The following RBFOX1 variants were observed in gnomAD, a reference collection of about 807,000 sequenced individuals.
The protein encoded by RBFOX1 is RNA binding fox-1 homolog 1.
RBFOX1 carries 8 observed loss-of-function variants against 57.7 expected under a neutral mutation model. That is an observed-to-expected ratio of 0.14 (90% CI 0.08 to 0.25). The LOEUF (loss-of-function observed/expected upper bound fraction) is 0.25, where lower values mean the gene tolerates loss of function less well. Among genes scored for constraint, RBFOX1 ranks in the 10% least tolerant of loss-of-function variants. RBFOX1 has a pLI of 1.00. For synonymous variants in RBFOX1, 326 were observed against 222.4 expected, an observed-to-expected ratio of 1.47 and a Z score of -4.15; for missense variants, 611 against 548.5, an observed-to-expected ratio of 1.11 and a Z score of -1.14.
chr16:6,311,872 C>T (rs1448126089), intron 1 of RBFOX1, among the ~76,000 whole-genome samples: 1 of 152,146 alleles, frequency 6.6e-6, no homozygotes. Flanking sequence ...ACCTCTCTAC[C>T]ACCAGGAATC....
chr16:5,608,363 T>C (rs889741164), intron 3 of RBFOX1, among the ~76,000 whole-genome samples: 6 of 152,074 alleles, frequency 3.9e-5, no homozygotes, highest in African/African-American at 9.7e-5. Context: ...TCTGGGAAGC[T>C]CTGGAGGTGT....
At chr16:6,646,319 G>A (rs1602568637) in intron 2 of RBFOX1, among the ~76,000 whole-genome samples, 1 of 152,046 alleles carries the variant, frequency 6.6e-6, no homozygotes, top group Middle Eastern at 3.2e-3. Context: ...GGCGCCTCCC[G>A]CATAGATCTG....
chr16:6,482,693 G>T (rs2095390736), intron 2 of RBFOX1, among the ~76,000 whole-genome samples: 1 of 152,164 alleles, frequency 6.6e-6, no homozygotes, highest in South Asian at 2.1e-4. Flanking sequence ...TAAATAAAGT[G>T]CAGCTGCTTC....
At chr16:7,485,093 A>C (rs1205323789) in intron 4 of RBFOX1, among the ~76,000 whole-genome samples, 1 of 151,040 alleles carries the variant, frequency 6.6e-6, no homozygotes, top group African/African-American at 2.4e-5. Flanking sequence ...AGAGGACTTG[A>C]CTTAGATAAA....
chr16:5,848,303 C>A (rs1425189872), intron 3 of RBFOX1, among the ~76,000 whole-genome samples: 1 of 152,174 alleles, frequency 6.6e-6, no homozygotes, highest in Non-Finnish European at 1.5e-5. Context: ...ACTCTATCCC[C>A]TATATGGAAA....
At chr16:7,441,920 C>T (rs988335641) in intron 4 of RBFOX1, among the ~76,000 whole-genome samples, 1 of 152,228 alleles carries the variant, frequency 6.6e-6, no homozygotes, top group Non-Finnish European at 1.5e-5. Context: ...CCCAGAGATG[C>T]TGGCAGCCTG....
chr16:6,621,236 C>T (rs1056001031), intron 2 of RBFOX1, among the ~76,000 whole-genome samples: 5 of 152,246 alleles, frequency 3.3e-5, no homozygotes, highest in East Asian at 1.9e-4. Flanking sequence ...CCTAGGCCGG[C>T]GGATCACAAG....
chr16:6,955,689 G>GTATGTATGTATTTATTTATT (rs764676268), intron 3 of RBFOX1, among the ~76,000 whole-genome samples: 1 of 118,614 alleles, frequency 8.4e-6, no homozygotes, highest in African/African-American at 2.8e-5. Context: ...AGGTATGTAT[G>GTATGTATGTATTTATTTATT]TATTTATTTA....
intron 3 of RBFOX1, among the ~76,000 whole-genome samples, chr16:6,667,885 TC>T (rs1251472889): frequency 6.6e-6 from 1 of 151,714 alleles, no homozygotes; most frequent in African/African-American, 2.4e-5. Context: ...CAAGACCCTA[TC>T]TTTAAAAAAC....
chr16:6,003,231 A>G (rs1266845178), intron 4 of RBFOX1, among the ~76,000 whole-genome samples: 1 of 150,136 alleles, frequency 6.7e-6, no homozygotes, highest in Non-Finnish European at 1.5e-5. Flanking sequence ...GTGAGCCGAG[A>G]TCGCGCCACT....
chr16:6,123,265 T>C (rs2096565290), intron 1 of RBFOX1, among the ~76,000 whole-genome samples: 1 of 152,320 alleles, frequency 6.6e-6, no homozygotes, highest in South Asian at 2.1e-4. Context: ...TGTCCATCCA[T>C]GGATGAATGA....
chr16:7,697,502 G>A (rs184739916), intron 14 of RBFOX1, among the ~76,000 whole-genome samples: 240 of 104,060 alleles, frequency 2.3e-3, no homozygotes, highest in African/African-American at 7.2e-3. Flanking sequence ...ATGTGTGCTA[G>A]TATGATATAC....
chr16:5,375,729 T>C (rs1306804046), intron 1 of RBFOX1, among the ~76,000 whole-genome samples: 2 of 152,200 alleles, frequency 1.3e-5, no homozygotes, highest in African/African-American at 2.4e-5. Flanking sequence ...GGAAACATCT[T>C]TGGTGGTGGT....
chr16:6,810,938 G>C (rs756306496), intron 3 of RBFOX1, among the ~76,000 whole-genome samples: 5 of 152,166 alleles, frequency 3.3e-5, no homozygotes, highest in Non-Finnish European at 5.9e-5. Flanking sequence ...AGGTTCGGTT[G>C]CTTCCAACCA....
chr16:7,403,902 ATAT>A (rs1207976389), intron 4 of RBFOX1, among the ~76,000 whole-genome samples: 3 of 149,860 alleles, frequency 2.0e-5, no homozygotes, highest in Non-Finnish European at 3.0e-5. Flanking sequence ...TTTTAATTAA[ATAT>A]TATTCTTTTA....
At chr16:7,517,819 C>T (rs1271756327) in intron 4 of RBFOX1, among the ~76,000 whole-genome samples, 4 of 132,900 alleles carry the variant, frequency 3.0e-5, no homozygotes, top group African/African-American at 1.2e-4. Context: ...TAAAAAGGAT[C>T]TGCCAAAAAA....
intron 3 of RBFOX1, among the ~76,000 whole-genome samples, chr16:6,822,169 G>A (rs1232330096): frequency 6.6e-6 from 1 of 152,164 alleles, no homozygotes; most frequent in East Asian, 1.9e-4. Flanking sequence ...CCAAGTCGAG[G>A]CATTGTAAGA....
chr16:6,897,703 C>T (rs146687318), intron 3 of RBFOX1, among the ~76,000 whole-genome samples: 1,886 of 150,398 alleles, frequency 0.013, 21 homozygotes, highest in Non-Finnish European at 0.02. Flanking sequence ...TGAGGCAGGA[C>T]AGTTGCTTGA....
chr16:5,808,703 T>C (rs2055315429), intron 3 of RBFOX1, among the ~76,000 whole-genome samples: 1 of 152,208 alleles, frequency 6.6e-6, no homozygotes, highest in Non-Finnish European at 1.5e-5. Flanking sequence ...AGTTCACTCA[T>C]GATTTGGCTC....
Sources: allele counts gnomAD v4.1 joint callset (sites outside exome capture counted in the v4.1 genomes callset), GRCh38; gene constraint gnomAD v4.1.1; transcripts MANE v1.5; gene names NCBI Gene and HGNC (gene_info 2026-07-23, HGNC 2026-07-21).